The following LCORL variants were observed in gnomAD, a reference collection of about 807,000 sequenced individuals.
LCORL encodes the protein ligand dependent nuclear receptor corepressor like, also known as ligand-dependent nuclear receptor corepressor-like protein.
A neutral mutation model predicts 141.8 loss-of-function variants in LCORL; 41 were observed. That is an observed-to-expected ratio of 0.29 (90% CI 0.23 to 0.38). LCORL has a LOEUF of 0.38. Among genes scored for constraint, LCORL ranks in the 10% least tolerant of loss-of-function variants. The pLI, the probability that LCORL is intolerant of heterozygous loss-of-function variation, is 1.00. For missense variants in LCORL, 1,759 were observed against 2,035.0 expected (o/e 0.86, Z 2.61); for synonymous variants, 618 against 694.1 (o/e 0.89, Z 1.72).
chr4:17,973,070 A>G (rs1716284085), intron 1 of LCORL, among the ~76,000 whole-genome samples, 185 bp from the exon 2 acceptor site: 1 of 151,898 alleles, frequency 6.6e-6, no homozygotes, highest in Non-Finnish European at 1.5e-5. Flanking sequence ...ACCAGAAATT[A>G]CATGACTGTA....
At chr4:17,905,537 CT>C (rs1028874234) in intron 5 of LCORL, among the ~76,000 whole-genome samples, 2 of 150,786 alleles carry the variant, frequency 1.3e-5, no homozygotes, top group East Asian at 1.9e-4. Context: ...ACCAACATTT[CT>C]TTTTTTTTCT....
In LCORL at chr4:17,938,083, G is replaced by A. The variant is rs369672656; in HGVS notation, c.430+23820C>T. ...TGCAGTGGCGCGATCTCAGCTCACC[G>A]CAACCTCTGCCTCCTGGGTTCAAGC... is the stretch of plus-strand genomic sequence containing the variant. On this transcript the variant is annotated intron_variant, in intron 4 of 7. Transcript: ENST00000635767. 4.9e-5 allele frequency among the ~76,000 whole-genome samples: 7 copies of A among 144,218 alleles called. No homozygotes were observed. The East Asian group carries it at 8.5e-4, about 18-fold the overall frequency. The allele number at this position is 144,218 out of a possible 152,430, so 94.6% of individuals were successfully genotyped here. A position where few individuals can be genotyped will look rare whatever the true frequency, so the allele number is the denominator to read the frequency against.
intron 1 of LCORL, among the ~76,000 whole-genome samples, chr4:17,981,319 A>G (rs1383343695): frequency 6.6e-6 from 1 of 152,178 alleles, no homozygotes; most frequent in Non-Finnish European, 1.5e-5. Flanking sequence ...TCTTATCAGC[A>G]ATGTTTGAGT....
At chr4:18,000,516 A>G (rs1721779350) in intron 1 of LCORL, among the ~76,000 whole-genome samples, 1 of 152,266 alleles carries the variant, frequency 6.6e-6, no homozygotes, top group Non-Finnish European at 1.5e-5. Flanking sequence ...CTAAGAATGT[A>G]AAATGAAAAC....
chr4:17,962,514 C>A (rs1425882678), intron 3 of LCORL, among the ~76,000 whole-genome samples: 1 of 152,024 alleles, frequency 6.6e-6, no homozygotes, highest in African/African-American at 2.4e-5. Context: ...TAGACACTTA[C>A]ATATTTCATC....
intron 6 of LCORL, chr4:17,883,535 TAA>T: frequency 1.5e-6 from 2 of 1,330,222 alleles, no homozygotes; most frequent in Non-Finnish European, 1.9e-6. Flanking sequence ...AAACCCTGAA[TAA>T]AACTTTTTTT....
chr4:17,904,059 A>T (rs1461277284), intron 5 of LCORL, among the ~76,000 whole-genome samples: 1 of 152,050 alleles, frequency 6.6e-6, no homozygotes, highest in East Asian at 1.9e-4. Flanking sequence ...AGATAAAAAA[A>T]ATATAAAACA....
intron 1 of LCORL, among the ~76,000 whole-genome samples, chr4:17,973,760 T>C (rs956739851): frequency 2.6e-5 from 4 of 151,980 alleles, no homozygotes; most frequent in African/African-American, 9.7e-5. Flanking sequence ...AATACTTCTA[T>C]AGAAATATTT....
chr4:17,877,865 A>G, exon 7 of LCORL: 1 of 1,230,770 alleles, frequency 8.1e-7, no homozygotes, highest in South Asian at 4.1e-5. Context: ...CAACAGTTAC[A>G]GTTTGGCAAG....
chr4:17,871,445 T>C (rs2109166959), intron 7 of LCORL, among the ~76,000 whole-genome samples: 1 of 152,116 alleles, frequency 6.6e-6, no homozygotes, highest in Admixed American at 6.6e-5. Context: ...GCATCTTCCA[T>C]CTTATTTTTT....
At chr4:17,959,457 C>T (rs1713349174) in intron 4 of LCORL, among the ~76,000 whole-genome samples, 1 of 151,958 alleles carries the variant, frequency 6.6e-6, no homozygotes, top group Non-Finnish European at 1.5e-5. Flanking sequence ...ACAGTTCCTA[C>T]CTGTTAAACA....
At position 17,971,992 on chromosome 4, in the gene LCORL, T is replaced by G. The variant is rs535158381; in HGVS notation, c.220+828A>C. 2.0e-5 allele frequency among the ~76,000 whole-genome samples: 3 copies of G among 151,932 alleles called. No individual in the cohort carries two copies. The East Asian group carries it at 5.8e-4, about 29-fold the overall frequency. On this transcript the variant is annotated intron_variant, in intron 2 of 7. Coordinates refer to ENST00000635767, the Ensembl canonical transcript of LCORL. ...TTCATGTTAAGTTAAAAAAATTTTT[T>G]TAATTGATCAAATATTAGCATCATT...
exon 8 of LCORL, chr4:17,843,742 A>C (rs1185816352): frequency 5.7e-6 from 1 of 176,224 alleles, no homozygotes; most frequent in African/African-American, 2.4e-5. Context: ...TGGAAAACTT[A>C]CAAGTGTAAC....
intron 5 of LCORL, among the ~76,000 whole-genome samples, chr4:17,888,740 T>C (rs956538937): frequency 6.6e-6 from 1 of 152,156 alleles, no homozygotes; most frequent in African/African-American, 2.4e-5. Context: ...TGCTAAAACC[T>C]ACTAAAAGGA....
chr4:18,020,949 G>C (rs957827340), intron 1 of LCORL, among the ~76,000 whole-genome samples: 1 of 152,178 alleles, frequency 6.6e-6, no homozygotes, highest in Non-Finnish European at 1.5e-5. Context: ...TTCTTAAAGG[G>C]GTACACACAG....
chr4:17,973,357 C>T (rs1244888014), intron 1 of LCORL, among the ~76,000 whole-genome samples: 1 of 151,742 alleles, frequency 6.6e-6, no homozygotes, highest in Non-Finnish European at 1.5e-5. Context: ...AAAATTTAAA[C>T]CTACTTGTAA....
exon 7 of LCORL, chr4:17,876,573 G>A (rs1726946023): frequency 1.6e-6 from 2 of 1,230,574 alleles, no homozygotes; most frequent in Non-Finnish European, 2.0e-6. Flanking sequence ...ATCGTTTTTT[G>A]TTGTGGATTC....
intron 4 of LCORL, among the ~76,000 whole-genome samples, chr4:17,929,623 G>T (rs896793803): frequency 1.3e-5 from 2 of 152,030 alleles, no homozygotes; most frequent in African/African-American, 4.8e-5. Context: ...ACCCAAAATG[G>T]ATCAAAGATC....
intron 4 of LCORL, among the ~76,000 whole-genome samples, chr4:17,926,360 C>G (rs543528235): frequency 6.6e-6 from 1 of 152,318 alleles, no homozygotes; most frequent in South Asian, 2.1e-4. Flanking sequence ...TAAAAGCAGG[C>G]AGCGGAATGT....
Sources: allele counts gnomAD v4.1 joint callset (sites outside exome capture counted in the v4.1 genomes callset), GRCh38; gene constraint gnomAD v4.1.1; transcripts MANE v1.5; gene names NCBI Gene and HGNC (gene_info 2026-07-23, HGNC 2026-07-21).